The following KNL1 variants were observed in gnomAD, a reference collection of about 807,000 sequenced individuals.
The protein encoded by KNL1 is outer kinetochore KNL1 complex subunit KNL1.
KNL1 carries 66 observed loss-of-function variants against 201.3 expected under a neutral mutation model. That is an observed-to-expected ratio of 0.33 (90% CI 0.27 to 0.40). The LOEUF (loss-of-function observed/expected upper bound fraction) is 0.40, where lower values mean the gene tolerates loss of function less well. Ranked by LOEUF, KNL1 falls within the 10% of genes least tolerant of loss-of-function variation. The pLI is 1.00. For missense variants in KNL1, 2,815 were observed against 2,690.5 expected, an observed-to-expected ratio of 1.05 and a Z score of -1.02; for synonymous variants, 895 against 899.2, an observed-to-expected ratio of 1.00 and a Z score of 0.08.
intron 10 of KNL1, 142 bp downstream of exon 10, chr15:40,625,782 T>C (rs1892734800): frequency 6.3e-6 from 4 of 630,456 alleles, no homozygotes; most frequent in Non-Finnish European, 5.5e-6. Flanking sequence ...TGGAGAAATA[T>C]TCTTATGTAG....
chr15:40,630,401 C>A (rs1892880235), intron 13 of KNL1, among the ~76,000 whole-genome samples: 1 of 152,098 alleles, frequency 6.6e-6, no homozygotes, highest in Admixed American at 6.5e-5. Context: ...TATAAAAGAA[C>A]CAAAACATTC....
intron 15 of KNL1, 79 bp downstream of exon 15, chr15:40,645,166 C>A (rs1893348552): frequency 1.0e-6 from 1 of 964,016 alleles, no homozygotes; most frequent in Non-Finnish European, 1.6e-6. Flanking sequence ...GTAACTGTTA[C>A]TTGGTCATAG....
Position 40,650,370 on chromosome 15 carries a change from C to T in KNL1, c.6164C>T (p.Ala2055Val), listed in dbSNP as rs375595681. ...GAATGGGATTCTGAAATGAGAGCTG[C>T]AGAAAAAGGTAATTGAATTAGTTAA... ...VEEWDSEMRA[A>V]EKELEQLKTE... Residue 2055 changes from alanine (A) to valine (V), a missense_variant, in exon 18 of 26, where the codon GCA becomes GTA. Ala to Val is a moderately conservative substitution (Grantham distance 64, BLOSUM62 0). This residue lies in a region of KNL1 where 334 missense variants were observed against 362.6 expected (regional missense o/e 0.92). Coordinates refer to ENST00000399668, the MANE Select transcript of KNL1 (RefSeq NM_144508.5). The T allele has an allele frequency of 2.2e-5, 35 of 1,611,078 alleles. 1 individual carries two copies. In the African/African-American group the frequency reaches 3.3e-4, roughly 15 times the overall value.
chr15:40,595,689 C>T (rs1891600560), intron 1 of KNL1, among the ~76,000 whole-genome samples: 1 of 152,156 alleles, frequency 6.6e-6, no homozygotes, highest in African/African-American at 2.4e-5. Context: ...TTTATATGTG[C>T]ACTCCAACAT....
At position 40,624,406 on chromosome 15, in the gene KNL1, G is replaced by A; in HGVS notation, c.4142G>A (p.Cys1381Tyr). The A allele has an allele frequency of 6.2e-7, 1 of 1,614,004 alleles. No individual in the cohort carries two copies. The highest frequency in any genetic ancestry group is 8.5e-7 in the Non-Finnish European group (1 of 1,179,944). Residue 1381 changes from cysteine to tyrosine, a missense_variant, in exon 10 of 26, where the codon TGT becomes TAT. This residue lies in a region of KNL1 where 2,464 missense variants were observed against 2,291.7 expected (regional missense o/e 1.08). Transcript: ENST00000399668. ...ACCAGTACCAAAGGACAGTTAGACT[G>A]TGTTATAACACTGCACAAAGATCAA... ...IQTSTKGQLD[C>Y]VITLHKDQDL... is the part of the protein sequence containing the mutation.
intron 13 of KNL1, among the ~76,000 whole-genome samples, chr15:40,636,772 A>G (rs1217225884): frequency 6.6e-5 from 10 of 152,150 alleles, no homozygotes; most frequent in African/African-American, 2.4e-4. Flanking sequence ...TGGAGGCTGC[A>G]TGAGCTGACA....
Position 40,621,064 on chromosome 15 carries a change from A to G in KNL1, c.800A>G (p.Asn267Ser). 1 of 1,612,056 alleles carries G rather than the reference A, an allele frequency of 6.2e-7. No homozygotes were observed. Among genetic ancestry groups the G allele is most frequent in the Non-Finnish European group, 8.5e-7 (1 of 1,179,182 alleles). Reference sequence around the variant, plus strand: ...GTATCTCTTAAGGAAGATGAAAATAACAGTAATATTACTAGGCTCTTTAGA... The same window carrying G: ...GTATCTCTTAAGGAAGATGAAAATAGCAGTAATATTACTAGGCTCTTTAGA... ...MHVSLKEDEN[N>S]SNITRLFREK... The change falls in exon 10 of 26, where the codon AAC becomes AGC. Residue 267 changes from asparagine to serine, a missense_variant. Physicochemically the swap from Asn to Ser is conservative, Grantham distance 46. This residue lies in a region of KNL1 where 2,464 missense variants were observed against 2,291.7 expected (regional missense o/e 1.08). Transcript: ENST00000399668.
chr15:40,660,083 T>C (rs1180442411), intron 25 of KNL1, among the ~76,000 whole-genome samples: 2 of 151,854 alleles, frequency 1.3e-5, no homozygotes, highest in Non-Finnish European at 2.9e-5. Context: ...AGCTAATTTT[T>C]GCATTTTTAG....
intron 2 of KNL1, 45 bp downstream of exon 2, chr15:40,603,011 A>ACT (rs1188277077): frequency 7.6e-7 from 1 of 1,309,268 alleles, no homozygotes; most frequent in East Asian, 2.3e-5. Context: ...TCTATCAGAG[A>ACT]AAGATATTTT....
intron 5 of KNL1, among the ~76,000 whole-genome samples, chr15:40,609,392 G>A (rs1567001410): frequency 6.6e-6 from 1 of 152,126 alleles, no homozygotes; most frequent in Non-Finnish European, 1.5e-5. Flanking sequence ...TCCAGCCTGG[G>A]CAACAGAGTG....
In KNL1 at chr15:40,663,530, A is replaced by T. The variant is rs560617405; in HGVS notation, c.*1342A>T. The T allele has an allele frequency of 1.6e-4, 31 of 189,972 alleles. No homozygotes were observed. The highest frequency in any genetic ancestry group is 1.9e-3 in the Middle Eastern group (1 of 532). The allele number at this position is 189,972 out of a possible 1,614,324, so 11.8% of individuals were successfully genotyped here. A position where few individuals can be genotyped will look rare whatever the true frequency, so the allele number is the denominator to read the frequency against. ...TGTCTAGGCAGTTCCCAATTTTCTG[A>T]AGAATGTTTTACAGCAAAATTTTCT... On this transcript the variant is annotated 3_prime_UTR_variant, in exon 26 of 26. Coordinates refer to ENST00000399668, the MANE Select transcript of KNL1 (RefSeq NM_144508.5).
chr15:40,629,900 T>C (rs1892864885), intron 13 of KNL1, among the ~76,000 whole-genome samples: 1 of 152,172 alleles, frequency 6.6e-6, no homozygotes, highest in African/African-American at 2.4e-5. Context: ...AAGATAAAAT[T>C]TGAATTTTCC....
chr15:40,621,241 C>G lies in KNL1; in HGVS notation c.977C>G (p.Thr326Ser). 1.2e-6 allele frequency: 2 copies of G among 1,613,330 alleles called. No individual in the cohort carries two copies. Among genetic ancestry groups the G allele is most frequent in the Non-Finnish European group, 1.7e-6 (2 of 1,179,646 alleles). ...NDFMDLTFNH[T>S]LQILPATGNF... ...TTTATGGACTTGACATTTAACCACA[C>G]TTTGCAGATCTTACCTGCAACAGGT... Residue 326 changes from threonine (T) to serine (S), a missense_variant, in exon 10 of 26, where the codon ACT becomes AGT. Around this residue, in one of 3 missense-constraint regions of KNL1, gnomAD observed 2,464 missense variants for 2,291.7 expected, o/e 1.08. Transcript: ENST00000399668.
At chr15:40,650,922 A>T (rs7167831) in intron 19 of KNL1, among the ~76,000 whole-genome samples, 3,015 of 152,292 alleles carry the variant, frequency 0.02, 101 homozygotes, top group African/African-American at 0.07. Context: ...AAAAGAAAGT[A>T]AATAGAAATA....
At chr15:40,641,083 G>C in intron 14 of KNL1, 56 bp downstream of exon 14, 6 of 1,174,230 alleles carry the variant, frequency 5.1e-6, no homozygotes, top group Non-Finnish European at 6.3e-6. Flanking sequence ...TCAGTTAATA[G>C]TTTGTGTGGT....
At chr15:40,641,052 G>T in intron 14 of KNL1, 25 bp downstream of exon 14, 1 of 1,477,058 alleles carries the variant, frequency 6.8e-7, no homozygotes, top group Non-Finnish European at 9.4e-7. Context: ...ATTTTTATGT[G>T]TGTTTTTTTG....
chr15:40,602,056 G>A (rs1891815641), intron 1 of KNL1, among the ~76,000 whole-genome samples: 1 of 148,492 alleles, frequency 6.7e-6, no homozygotes, highest in South Asian at 2.1e-4. Flanking sequence ...TTGAGACGGA[G>A]TCTTGCTCTT....
intron 1 of KNL1, among the ~76,000 whole-genome samples, chr15:40,598,694 T>C (rs1335021400): frequency 3.9e-5 from 6 of 152,230 alleles, no homozygotes; most frequent in Non-Finnish European, 7.3e-5. Context: ...ACTTTTTGGA[T>C]CTTGGAAAGT....
At chr15:40,658,545 A>AG (rs1893804531) in intron 24 of KNL1, among the ~76,000 whole-genome samples, 1 of 59,122 alleles carries the variant, frequency 1.7e-5, no homozygotes, top group Non-Finnish European at 3.8e-5. Context: ...AAAAAAAAAA[A>AG]AGAGAGAATC....
Sources: allele counts gnomAD v4.1 joint callset (sites outside exome capture counted in the v4.1 genomes callset), GRCh38; gene constraint gnomAD v4.1.1; regional missense constraint gnomAD v4.1.1; transcripts MANE v1.5; gene names NCBI Gene and HGNC (gene_info 2026-07-23, HGNC 2026-07-21).